Variants in MYO16 observed in about 807,000 individuals in gnomAD.
MYO16 encodes the protein myosin XVI, also known as unconventional myosin-XVI.
In MYO16, 94 loss-of-function variants were observed where a neutral mutation model predicts 205.3. The observed-to-expected ratio is 0.46, with a 90% CI of 0.39 to 0.54. The LOEUF (loss-of-function observed/expected upper bound fraction) is 0.54, where lower values mean the gene tolerates loss of function less well. Ranked by LOEUF, MYO16 falls within the 20% of genes least tolerant of loss-of-function variation. The pLI, the probability that MYO16 is intolerant of heterozygous loss-of-function variation, is 0.00. For synonymous variants in MYO16, 988 were observed against 954.0 expected, an observed-to-expected ratio of 1.04 and a Z score of -0.66; for missense variants, 2,315 against 2,387.5, an observed-to-expected ratio of 0.97 and a Z score of 0.63.
intron 27 of MYO16, among the ~76,000 whole-genome samples, chr13:109,068,738 T>C (rs761875704): frequency 1.3e-5 from 2 of 152,094 alleles, no homozygotes; most frequent in Non-Finnish European, 2.9e-5. Context: ...ATTACAGGCA[T>C]GTGCCACCAT....
At position 108,802,480 on chromosome 13, in the gene MYO16, G is replaced by C. The variant is rs143599143; in HGVS notation, c.742-4199G>C. 3.5e-3 allele frequency among the ~76,000 whole-genome samples: 531 copies of C among 152,142 alleles called. 9 individuals carry two copies. Among genetic ancestry groups the C allele is most frequent in the Non-Finnish European group, 4.1e-3 (282 of 67,988 alleles). On this transcript the variant is annotated intron_variant, in intron 6 of 34. Coordinates refer to ENST00000457511, the MANE Select transcript of MYO16 (RefSeq NM_001198950.3). ...TGTATATATGCTACATTTTCTTCAC[G>C]TATTTTCCTGTTGATGAACAGTGAA... is the stretch of plus-strand genomic sequence containing the variant.
intron 28 of MYO16, among the ~76,000 whole-genome samples, chr13:109,119,657 A>G (rs1875888928): frequency 6.6e-6 from 1 of 152,366 alleles, no homozygotes; most frequent in South Asian, 2.1e-4. Context: ...CTTTATCAAT[A>G]TCAGTACGTT....
At chr13:109,033,391 A>G (rs1269972013) in intron 23 of MYO16, among the ~76,000 whole-genome samples, 1 of 152,132 alleles carries the variant, frequency 6.6e-6, no homozygotes, top group Non-Finnish European at 1.5e-5. Context: ...TCGTCGTCCC[A>G]CATTATTCTC....
At chr13:108,993,236 G>A (rs1239746999) in intron 21 of MYO16, among the ~76,000 whole-genome samples, 4 of 152,240 alleles carry the variant, frequency 2.6e-5, no homozygotes, top group Admixed American at 1.3e-4. Context: ...TAAATAGAAT[G>A]TGTTTGAGAT....
intron 22 of MYO16, among the ~76,000 whole-genome samples, chr13:109,010,789 T>C (rs1284576757): frequency 1.3e-5 from 2 of 151,922 alleles, no homozygotes; most frequent in Admixed American, 6.6e-5. Flanking sequence ...ATGGATAATA[T>C]TGTAATATCA....
intron 2 of MYO16, among the ~76,000 whole-genome samples, chr13:108,701,356 C>G (rs1427286581): frequency 1.3e-5 from 2 of 152,110 alleles, no homozygotes; most frequent in African/African-American, 4.8e-5. Context: ...CATGAGGACT[C>G]TGCCCTCATG....
chr13:109,153,065 G>A (rs187884229), intron 32 of MYO16, among the ~76,000 whole-genome samples: 6 of 152,206 alleles, frequency 3.9e-5, no homozygotes, highest in East Asian at 1.9e-4. Flanking sequence ...GATACTACTC[G>A]GGATTCACAA....
chr13:108,766,510 A>G (rs9555504), intron 4 of MYO16, among the ~76,000 whole-genome samples: 10,458 of 152,156 alleles, frequency 0.069, 626 homozygotes, highest in East Asian at 0.24. Context: ...TACCAGTTCC[A>G]ATTAGTGGCT....
At chr13:108,918,576 A>G (rs1230127844) in intron 16 of MYO16, among the ~76,000 whole-genome samples, 1 of 152,208 alleles carries the variant, frequency 6.6e-6, no homozygotes, top group Non-Finnish European at 1.5e-5. Flanking sequence ...GGGAGGGCCT[A>G]TCTCCAGCAG....
the MYO16 span, among the ~76,000 whole-genome samples, chr13:108,503,941 C>T: frequency 2.0e-5 from 3 of 150,528 alleles, no homozygotes; most frequent in African/African-American, 4.9e-5. Flanking sequence ...TTCCTGTGTT[C>T]TAAGAATTTA....
chr13:108,951,153 A>C (rs534251032), intron 16 of MYO16, among the ~76,000 whole-genome samples: 52 of 152,326 alleles, frequency 3.4e-4, no homozygotes, highest in African/African-American at 1.2e-3. Flanking sequence ...GAATATGGAA[A>C]AGAACAAAAA....
At chr13:109,117,322 A>C (rs1482920748) in intron 28 of MYO16, among the ~76,000 whole-genome samples, 1 of 151,404 alleles carries the variant, frequency 6.6e-6, no homozygotes, top group Non-Finnish European at 1.5e-5. Context: ...CATTTCAAGA[A>C]TATATGTCCA....
the MYO16 span, among the ~76,000 whole-genome samples, chr13:108,579,760 T>TTTTTGTTTTG: frequency 1.3e-5 from 2 of 152,098 alleles, no homozygotes; most frequent in African/African-American, 4.8e-5. Context: ...CTTTTTTTGT[T>TTTTTGTTTTG]TTTTGTTTTG....
At chr13:108,995,305 C>T (rs1048043579) in intron 21 of MYO16, among the ~76,000 whole-genome samples, 7 of 152,144 alleles carry the variant, frequency 4.6e-5, no homozygotes, top group African/African-American at 1.2e-4. Flanking sequence ...TAATCTCACT[C>T]GGGATGGTGG....
At chr13:108,572,645 T>C in the MYO16 span, among the ~76,000 whole-genome samples, 4,998 of 152,296 alleles carry the variant, frequency 0.033, 248 homozygotes, top group African/African-American at 0.11. Context: ...ATTTTAAAAA[T>C]GTCAAGTTCC....
chr13:108,607,024 A>G (rs2094259), intron 1 of MYO16, among the ~76,000 whole-genome samples: 151,023 of 152,330 alleles, frequency 0.99, 74,876 homozygotes, highest in East Asian at 1. Context: ...GGGGTCTGTA[A>G]CCCCTTTGTT....
Position 108,982,909 on chromosome 13 carries a change from T to TA in MYO16, c.2370-9466dup, listed in dbSNP as rs1409647010. 3.3e-5 allele frequency among the ~76,000 whole-genome samples: 5 copies of TA among 152,256 alleles called. No individual in the cohort carries two copies. The East Asian group carries it at 9.7e-4, about 30-fold the overall frequency. ...ATTTTGGATACATCAGACCAATCCA[T>TA]ACATTATAGCACTCCAAGACACCGT... On this transcript the variant is annotated intron_variant, in intron 20 of 34. Transcript: ENST00000457511.
chr13:108,622,891 C>T (rs7325762), intron 1 of MYO16, among the ~76,000 whole-genome samples: 150,731 of 152,174 alleles, frequency 0.99, 74,669 homozygotes, highest in East Asian at 1. Context: ...CCTGCAAGGG[C>T]AGTGGAATTG....
At chr13:108,957,470 A>G (rs1470891012) in intron 16 of MYO16, among the ~76,000 whole-genome samples, 2 of 151,970 alleles carry the variant, frequency 1.3e-5, no homozygotes, top group Non-Finnish European at 2.9e-5. Context: ...AAAACCGAGT[A>G]AAGCAATGTA....
Sources: allele counts gnomAD v4.1 joint callset (sites outside exome capture counted in the v4.1 genomes callset), GRCh38; gene constraint gnomAD v4.1.1; transcripts MANE v1.5; gene names NCBI Gene and HGNC (gene_info 2026-07-23, HGNC 2026-07-21).